Variants in UNC5C observed in about 807,000 individuals in gnomAD.
UNC5C encodes the protein unc-5 netrin receptor C, also known as netrin receptor UNC5C.
In UNC5C, 47 loss-of-function variants were observed where a neutral mutation model predicts 99.8. That is an observed-to-expected ratio of 0.47 (90% CI 0.37 to 0.60). UNC5C has a LOEUF of 0.60. UNC5C is among the 20% of genes least tolerant of loss of function. The pLI is 0.00. For synonymous variants in UNC5C, 487 were observed against 452.2 expected (o/e 1.08, Z -0.98); for missense variants, 1,062 against 1,165.9 (o/e 0.91, Z 1.30).
At chr4:95,496,009 G>A (rs771364500) in intron 1 of UNC5C, among the ~76,000 whole-genome samples, 4 of 151,620 alleles carry the variant, frequency 2.6e-5, no homozygotes, top group Non-Finnish European at 4.4e-5. Flanking sequence ...TTTTACATAC[G>A]TTATCCTATC....
At chr4:95,402,839 G>C (rs1231461336) in intron 1 of UNC5C, among the ~76,000 whole-genome samples, 1 of 152,118 alleles carries the variant, frequency 6.6e-6, no homozygotes, top group Non-Finnish European at 1.5e-5. Context: ...GAGTCCCCTA[G>C]TCTAAAGAGA....
intron 1 of UNC5C, among the ~76,000 whole-genome samples, chr4:95,493,251 G>A (rs1434212738): frequency 2.0e-5 from 3 of 151,362 alleles, no homozygotes; most frequent in Non-Finnish European, 4.4e-5. Context: ...ATAATGGAAT[G>A]GAAAGGAGTT....
intron 7 of UNC5C, among the ~76,000 whole-genome samples, chr4:95,234,031 T>C (rs770820717): frequency 9.2e-5 from 14 of 152,248 alleles, no homozygotes; most frequent in Non-Finnish European, 1.9e-4. Context: ...AAATATAATA[T>C]GCTTATTGTC....
intron 1 of UNC5C, among the ~76,000 whole-genome samples, chr4:95,506,003 C>T (rs1027874746): frequency 1.3e-5 from 2 of 151,878 alleles, no homozygotes; most frequent in African/African-American, 4.8e-5. Flanking sequence ...AATATGCTGA[C>T]ATGTGCCTTT....
At chr4:95,260,871 T>C (rs1459789816) in intron 4 of UNC5C, among the ~76,000 whole-genome samples, 7 of 152,162 alleles carry the variant, frequency 4.6e-5, no homozygotes, top group Admixed American at 4.6e-4. Context: ...GTATGGTGCA[T>C]TCCAGGTCCC....
intron 1 of UNC5C, among the ~76,000 whole-genome samples, chr4:95,405,081 CG>C (rs750124777): frequency 6.6e-6 from 1 of 152,132 alleles, no homozygotes; most frequent in Non-Finnish European, 1.5e-5. Flanking sequence ...CCGAATCTTC[CG>C]GGATGCTGGA....
At chr4:95,301,872 T>C in intron 2 of UNC5C, 123 bp from the exon 3 acceptor site, 1 of 1,227,954 alleles carries the variant, frequency 8.1e-7, no homozygotes, top group Non-Finnish European at 1.1e-6. Context: ...ACCCAGATAT[T>C]GTCTCTCATC....
At chr4:95,512,972 C>T (rs35786582) in intron 1 of UNC5C, among the ~76,000 whole-genome samples, 43,687 of 152,078 alleles carry the variant, frequency 0.29, 6,806 homozygotes, top group Non-Finnish European at 0.35. Flanking sequence ...TCTGCATCTA[C>T]GTGCATTACC....
At chr4:95,187,806 C>CATCA (rs1736896680) in intron 12 of UNC5C, among the ~76,000 whole-genome samples, 1 of 152,164 alleles carries the variant, frequency 6.6e-6, no homozygotes, top group Non-Finnish European at 1.5e-5. Flanking sequence ...GCCATTTCTC[C>CATCA]ATCACCCAGG....
chr4:95,535,683 G>T (rs1395639076), intron 1 of UNC5C, among the ~76,000 whole-genome samples: 1 of 152,048 alleles, frequency 6.6e-6, no homozygotes, highest in Admixed American at 6.6e-5. Flanking sequence ...TTAGATAAAG[G>T]CTGCCATTAG....
chr4:95,440,196 T>C (rs1224577390), intron 1 of UNC5C, among the ~76,000 whole-genome samples: 1 of 152,168 alleles, frequency 6.6e-6, no homozygotes, highest in African/African-American at 2.4e-5. Context: ...AAGCCAGAAG[T>C]ACACGTAATG....
chr4:95,359,039 G>A (rs994968917), intron 1 of UNC5C, among the ~76,000 whole-genome samples: 1 of 152,148 alleles, frequency 6.6e-6, no homozygotes, highest in Admixed American at 6.6e-5. Context: ...TTTGAGGTCT[G>A]TAATTAAATT....
At chr4:95,235,601 G>C (rs969730430) in intron 7 of UNC5C, among the ~76,000 whole-genome samples, 14 of 152,146 alleles carry the variant, frequency 9.2e-5, no homozygotes, top group African/African-American at 3.4e-4. Flanking sequence ...TTCTTCTAGG[G>C]TTTTTATGGT....
chr4:95,407,628 G>GGA (rs200070348), intron 1 of UNC5C, among the ~76,000 whole-genome samples: 2 of 151,846 alleles, frequency 1.3e-5, no homozygotes, highest in African/African-American at 4.8e-5. Context: ...CTAAGGATGA[G>GGA]GAGAGAGAGA....
At chr4:95,309,095 T>A (rs951617324) in intron 2 of UNC5C, among the ~76,000 whole-genome samples, 3 of 152,040 alleles carry the variant, frequency 2.0e-5, no homozygotes, top group African/African-American at 7.2e-5. Context: ...CACAGACCAA[T>A]GGAACAAAAT....
At chr4:95,407,295 C>G (rs1745857518) in intron 1 of UNC5C, among the ~76,000 whole-genome samples, 1 of 151,934 alleles carries the variant, frequency 6.6e-6, no homozygotes, top group African/African-American at 2.4e-5. Flanking sequence ...CCTACTTATT[C>G]ATTTTGAGGA....
intron 4 of UNC5C, among the ~76,000 whole-genome samples, chr4:95,268,434 G>A (rs1221646087): frequency 6.6e-6 from 1 of 152,214 alleles, no homozygotes; most frequent in African/African-American, 2.4e-5. Context: ...ATACTTCAGA[G>A]ATAGGTGGAC....
chr4:95,178,330 C>T (rs997779089), intron 14 of UNC5C, among the ~76,000 whole-genome samples: 1 of 152,224 alleles, frequency 6.6e-6, no homozygotes, highest in South Asian at 2.1e-4. Flanking sequence ...TGGGGCCCCC[C>T]TGGGCGAGCA....
chr4:95,527,616 T>C (rs1722531781), intron 1 of UNC5C, among the ~76,000 whole-genome samples: 1 of 152,152 alleles, frequency 6.6e-6, no homozygotes, highest in Non-Finnish European at 1.5e-5. Context: ...TAATTGCTTT[T>C]GTAATTACTA....
Sources: allele counts gnomAD v4.1 joint callset (sites outside exome capture counted in the v4.1 genomes callset), GRCh38; gene constraint gnomAD v4.1.1; transcripts MANE v1.5; gene names NCBI Gene and HGNC (gene_info 2026-07-23, HGNC 2026-07-21).